Variants in BSN observed in about 807,000 individuals in gnomAD.
BSN encodes the protein bassoon presynaptic cytomatrix protein, also known as protein bassoon.
A neutral mutation model predicts 264.8 loss-of-function variants in BSN; 57 were observed. That is an observed-to-expected ratio of 0.22 (90% confidence interval 0.17 to 0.27). The LOEUF is 0.27. Ranked by LOEUF, BSN falls within the 10% of genes least tolerant of loss-of-function variation. The probability of loss-of-function intolerance (pLI) is 1.00; values close to 1 mark genes in which losing one functional copy is unlikely to be tolerated. For missense variants in BSN, 4,615 were observed against 5,232.5 expected, an observed-to-expected ratio of 0.88 and a Z score of 3.64; for synonymous variants, 2,059 against 2,137.3, an observed-to-expected ratio of 0.96 and a Z score of 1.01.
At chr3:49,649,685 T>C (rs2052526268) in intron 3 of BSN, among the ~76,000 whole-genome samples, 1 of 152,354 alleles carries the variant, frequency 6.6e-6, no homozygotes, top group African/African-American at 2.4e-5. Context: ...CATTGATACC[T>C]GTGTCATACT....
intron 1 of BSN, among the ~76,000 whole-genome samples, chr3:49,589,610 G>T (rs1407363608): frequency 1.3e-5 from 2 of 148,806 alleles, no homozygotes; most frequent in African/African-American, 5.0e-5. Flanking sequence ...AGGTTCAAGC[G>T]ATTCTCCTGC....
intron 1 of BSN, among the ~76,000 whole-genome samples, chr3:49,614,744 G>T (rs2052246326): frequency 1.3e-5 from 2 of 152,144 alleles, no homozygotes; most frequent in South Asian, 2.1e-4. Flanking sequence ...AATTTATTGG[G>T]GTTAAAGGAA....
At position 49,654,345 on chromosome 3, in the gene BSN, A is replaced by G; in HGVS notation, c.4789A>G (p.Thr1597Ala). The change falls in exon 5 of 12, where the codon ACA becomes GCA. Residue 1597 changes from threonine (T) to alanine (A), a missense_variant. By Grantham distance (58) the Thr-to-Ala change is moderately conservative. Around this residue, in one of 3 missense-constraint regions of BSN, gnomAD observed 3,415 missense variants for 3,866.4 expected, o/e 0.88. Coordinates refer to ENST00000296452, the MANE Select transcript of BSN (RefSeq NM_003458.4). This position sits in a 1 kb window ranked among gnomAD's most constrained non-coding sequence, Gnocchi z 4.1. Reference protein sequence around the residue: ...TQPTTHGYSQTTPPSVSQLPP... With the variant: ...TQPTTHGYSQATPPSVSQLPP... ...GCCCACCACCCATGGCTACAGCCAG[A>G]CAACACCTCCGAGTGTGTCTCAGCT... 1 of 1,613,404 alleles carries G rather than the reference A, an allele frequency of 6.2e-7. No individual in the cohort carries two copies. The highest frequency in any genetic ancestry group is 2.2e-5 in the East Asian group (1 of 44,890).
chr3:49,653,094 C>T lies in BSN; in HGVS notation c.3538C>T (p.Pro1180Ser), dbSNP rs1452315668. Residue 1180 changes from proline (P) to serine (S), a missense_variant, in exon 5 of 12, where the codon CCG becomes TCG. Transcript: ENST00000296452. This position sits in a 1 kb window ranked among gnomAD's most constrained non-coding sequence, Gnocchi z 6.3. ...GSSTTPSSGR[P>S]LKSAEEAYEE... Reference sequence around the variant, plus strand: ...CTCCACCACTCCCAGTTCCGGACGGCCGCTCAAGAGCGCTGAGGAGGCTTA... The same window carrying T: ...CTCCACCACTCCCAGTTCCGGACGGTCGCTCAAGAGCGCTGAGGAGGCTTA... 1.2e-6 allele frequency: 2 copies of T among 1,613,574 alleles called. No homozygotes were observed. Among genetic ancestry groups the T allele is most frequent in the Non-Finnish European group, 1.7e-6 (2 of 1,180,014 alleles).
intron 1 of BSN, among the ~76,000 whole-genome samples, chr3:49,618,343 C>T (rs1007422081): frequency 6.6e-6 from 1 of 152,188 alleles, no homozygotes; most frequent in African/African-American, 2.4e-5. Flanking sequence ...TTAAAAGGAA[C>T]ACTCCTCCCT....
At chr3:49,560,774 G>A (rs1289574248) in intron 1 of BSN, among the ~76,000 whole-genome samples, 3 of 152,214 alleles carry the variant, frequency 2.0e-5, no homozygotes, top group Non-Finnish European at 4.4e-5. Flanking sequence ...ACACTGGCCT[G>A]TGGGCTCCTG....
intron 1 of BSN, among the ~76,000 whole-genome samples, chr3:49,565,579 C>T (rs1353368026): frequency 6.6e-6 from 1 of 152,142 alleles, no homozygotes; most frequent in Non-Finnish European, 1.5e-5. Context: ...CTCGGCCTCC[C>T]AAAGTGCTGG....
rs116841202 is a variant in BSN, at chr3:49,634,838, G to A, written c.634-7430G>A. 1.1e-4 allele frequency among the ~76,000 whole-genome samples: 17 copies of A among 152,288 alleles called. No homozygotes were observed. The East Asian group carries it at 2.3e-3, about 21-fold the overall frequency. On this transcript the variant is annotated intron_variant, in intron 2 of 11. Coordinates refer to ENST00000296452, the MANE Select transcript of BSN (RefSeq NM_003458.4). ...ATTTTAACACACACTATATATGTGT[G>A]TGCATATATATACATATACACTAAA...
At chr3:49,578,440 C>T (rs1239547839) in intron 1 of BSN, among the ~76,000 whole-genome samples, 1 of 151,338 alleles carries the variant, frequency 6.6e-6, no homozygotes, top group East Asian at 1.9e-4. Flanking sequence ...CGGAGTCTCG[C>T]TCTGTCGCTC....
intron 1 of BSN, among the ~76,000 whole-genome samples, chr3:49,586,636 C>T (rs2051940269): frequency 6.6e-6 from 1 of 152,206 alleles, no homozygotes; most frequent in Non-Finnish European, 1.5e-5. Context: ...ACACCATACC[C>T]TACCCCCAGC....
intron 1 of BSN, among the ~76,000 whole-genome samples, chr3:49,608,701 G>T (rs1446987243): frequency 6.6e-6 from 1 of 152,060 alleles, no homozygotes; most frequent in Non-Finnish European, 1.5e-5. Context: ...GGTGGCAGGC[G>T]CCTGTAATCC....
intron 1 of BSN, among the ~76,000 whole-genome samples, chr3:49,577,365 A>C (rs951373292): frequency 6.6e-6 from 1 of 152,192 alleles, no homozygotes; most frequent in Non-Finnish European, 1.5e-5. Flanking sequence ...GCTAGGAGAC[A>C]TGTTTCCTAG....
chr3:49,618,382 T>G (rs2052277740), intron 1 of BSN, among the ~76,000 whole-genome samples: 1 of 152,226 alleles, frequency 6.6e-6, no homozygotes, highest in Non-Finnish European at 1.5e-5. Flanking sequence ...CCTGCTGCTG[T>G]ACCTTCCCTT....
chr3:49,655,494 C>G lies in BSN; in HGVS notation c.5938C>G (p.Leu1980Val). ...RPYPQGLPGRLYSSMSDTNLA... is the reference protein window; with the variant it reads ...RPYPQGLPGRVYSSMSDTNLA... ...CTACCCACAAGGCCTGCCTGGTAGG[C>G]TGTACTCCTCCATGTCTGACACCAA... is the stretch of plus-strand genomic sequence containing the variant. Residue 1980 changes from leucine to valine, a missense_variant, in exon 5 of 12, where the codon CTG becomes GTG. Around this residue, in one of 3 missense-constraint regions of BSN, gnomAD observed 3,415 missense variants for 3,866.4 expected, o/e 0.88. Coordinates refer to ENST00000296452, the MANE Select transcript of BSN (RefSeq NM_003458.4). 6.2e-7 allele frequency: 1 copy of G among 1,601,454 alleles called. No individual in the cohort carries two copies. The highest frequency in any genetic ancestry group is 1.1e-5 in the South Asian group (1 of 89,904).
intron 3 of BSN, 110 bp from the exon 4 acceptor site, chr3:49,650,502 C>T: frequency 9.4e-7 from 1 of 1,061,590 alleles, no homozygotes; most frequent in Non-Finnish European, 1.4e-6. Context: ...TGGTGTTATG[C>T]TTTGAAAGTT....
intron 2 of BSN, among the ~76,000 whole-genome samples, chr3:49,626,299 G>A (rs1047324961): frequency 2.0e-5 from 3 of 152,190 alleles, no homozygotes; most frequent in African/African-American, 7.2e-5. Context: ...CTGCAGGCAC[G>A]GGCATGGCTG....
rs138253818 is a variant in BSN, at chr3:49,654,536, C to G, written c.4980C>G (p.Thr1660=). 1.2e-6 allele frequency: 2 copies of G among 1,610,702 alleles called. No homozygotes were observed. Among genetic ancestry groups the G allele is most frequent in the African/African-American group, 2.7e-5 (2 of 74,896 alleles). The change falls in exon 5 of 12, where the codon ACC becomes ACG. Residue 1660 remains threonine, a synonymous_variant. Transcript: ENST00000296452. The surrounding 1 kb of genome is among the most constrained non-coding windows in gnomAD (Gnocchi z 4.1). The part of the protein sequence containing the change: ...GTSRVEPGPR[T]PGTAVVDLRT... ...CTAGGGTTGAGCCAGGCCCCAGGACCCCTGGCACTGCAGTGGTAGACCTCC... is the reference window on the plus strand; with the variant it reads ...CTAGGGTTGAGCCAGGCCCCAGGACGCCTGGCACTGCAGTGGTAGACCTCC...
Position 49,654,112 on chromosome 3 carries a change from G to A in BSN, c.4556G>A (p.Arg1519Gln), listed in dbSNP as rs767749503. 1.7e-5 allele frequency: 27 copies of A among 1,613,866 alleles called. No individual in the cohort carries two copies. The highest frequency in any genetic ancestry group is 1.4e-5 in the Non-Finnish European group (17 of 1,180,014). ...PSPAPASDMP[R>Q]SPGAPTPSPM... ...CCAGCCCCTGCCTCAGACATGCCAC[G>A]GAGCCCTGGTGCCCCCACTCCATCA... The change falls in exon 5 of 12, where the codon CGG becomes CAG. Residue 1519 changes from arginine to glutamine, a missense_variant. By Grantham distance (43) the Arg-to-Gln change is conservative. Coordinates refer to ENST00000296452, the MANE Select transcript of BSN (RefSeq NM_003458.4). This position sits in a 1 kb window ranked among gnomAD's most constrained non-coding sequence, Gnocchi z 4.1.
Position 49,652,389 on chromosome 3 carries a change from G to C in BSN, c.2833G>C (p.Glu945Gln). 6.2e-7 allele frequency: 1 copy of C among 1,608,880 alleles called. No individual in the cohort carries two copies. The highest frequency in any genetic ancestry group is 1.1e-5 in the South Asian group (1 of 90,506). The change falls in exon 5 of 12, where the codon GAG (glutamate) becomes CAG (glutamine). Residue 945 changes from glutamate (E) to glutamine (Q), a missense_variant. By Grantham distance (29) the Glu-to-Gln change is conservative. Around this residue, in one of 3 missense-constraint regions of BSN, gnomAD observed 1,197 missense variants for 1,348.0 expected, o/e 0.89. Transcript: ENST00000296452. ...CAACAGCACGGGAAGTTATGGTCAT[G>C]AGTTGGACCTGGGCCAAGGCCCAGA... ...ELNSTGSYGHELDLGQGPDPS... is the reference protein window; with the variant it reads ...ELNSTGSYGHQLDLGQGPDPS...
Sources: gnomAD v4.1 joint callset for allele counts (sites outside exome capture counted in the v4.1 genomes callset) on GRCh38, gnomAD v4.1.1 for gene constraint, gnomAD v4.1.1 regional missense constraint, Gnocchi (gnomAD v3.1) non-coding constraint, MANE v1.5 for transcripts, NCBI Gene and HGNC (gene_info 2026-07-23, HGNC 2026-07-21) for gene names.